The following KRT73 variants were observed in gnomAD, a reference collection of about 807,000 sequenced individuals.
The protein encoded by KRT73 is keratin 73.
A neutral mutation model predicts 47.2 loss-of-function variants in KRT73; 44 were observed. The ratio of observed to expected loss-of-function variants is 0.93; its 90% CI spans 0.73 to 1.20. The LOEUF (loss-of-function observed/expected upper bound fraction) is 1.20. KRT73 is among the 50% of genes most tolerant of loss of function. The probability of loss-of-function intolerance (pLI) is 0.00; values close to 1 mark genes in which losing one functional copy is unlikely to be tolerated. For synonymous variants in KRT73, 285 were observed against 291.3 expected (o/e 0.98, Z 0.22); for missense variants, 713 against 704.5 (o/e 1.01, Z -0.14).
chr12:52,615,376 C>T (rs748835944), intron 2 of KRT73, 37 bp from the exon 3 acceptor site: 7 of 1,547,444 alleles, frequency 4.5e-6, no homozygotes, highest in Non-Finnish European at 5.4e-6. Flanking sequence ...GAGTGTGTGT[C>T]TGTGTGTGTG....
At chr12:52,615,988 G>T (rs1317744600) in intron 2 of KRT73, among the ~76,000 whole-genome samples, 178 bp downstream of exon 2, 2 of 152,182 alleles carry the variant, frequency 1.3e-5, no homozygotes, top group Non-Finnish European at 2.9e-5. Context: ...GGACAGCCCT[G>T]ACGCTGCCCA....
chr12:52,613,960 AAG>A, intron 4 of KRT73, 108 bp from the exon 5 acceptor site: 2 of 1,477,634 alleles, frequency 1.4e-6, no homozygotes, highest in South Asian at 2.7e-5. Context: ...ACACAGATGG[AAG>A]CTGCACTTCC....
chr12:52,610,432 CA>C (rs1940670921), intron 7 of KRT73, 182 bp downstream of exon 7: 1 of 660,624 alleles, frequency 1.5e-6, no homozygotes, highest in Non-Finnish European at 2.6e-6. Flanking sequence ...TCCAAAGAGT[CA>C]AAAGAGAACT....
chr12:52,613,801 T>A lies in KRT73; in HGVS notation c.871A>T (p.Met291Leu). The change falls in exon 5 of 9, where the codon ATG becomes TTG. Residue 291 changes from methionine (M) to leucine (L), a missense_variant. Coordinates refer to ENST00000305748, the MANE Select transcript of KRT73 (RefSeq NM_175068.3). ...AGGTCCAGGTTCCGGTTGTTGTCCA[T>A]GGACAGGATGATGGACGTGTCGCTG... ...HISDTSIILS[M>L]DNNRNLDLDS... is the part of the protein sequence containing the mutation. The A allele has an allele frequency of 6.2e-7, 1 of 1,614,154 alleles. No individual in the cohort carries two copies. The highest frequency in any genetic ancestry group is 8.5e-7 in the Non-Finnish European group (1 of 1,180,008).
chr12:52,613,619 G>A lies in KRT73; in HGVS notation c.984+69C>T, dbSNP rs370583277. The A allele has an allele frequency of 1.4e-5, 22 of 1,589,758 alleles. No homozygotes were observed. The African/African-American group carries it at 1.6e-4, about 12-fold the overall frequency. ...CTATGGGCCACCACAGTGAGTCATG[G>A]GGCAGACAAGACAGAGTCTGGAGCA... On this transcript the variant is annotated intron_variant, in intron 5 of 8. Coordinates refer to ENST00000305748, the MANE Select transcript of KRT73 (RefSeq NM_175068.3).
rs956494844 is a variant in KRT73 at position 52,608,411 on chromosome 12, C to T, written c.1408G>A (p.Ala470Thr). The T allele has an allele frequency of 2.5e-6, 4 of 1,611,966 alleles. No homozygotes were observed. The highest frequency in any genetic ancestry group is 3.4e-6 in the Non-Finnish European group (4 of 1,179,928). ...CCAGCATTGCTGAATCCAAAGCCAG[C>T]CCCTGTGCCTGCCATCCCGGCCATG... ...SSMAGMAGTG[A>T]GFGFSNAGTY... The change falls in exon 9 of 9, where the codon GCT becomes ACT. Residue 470 changes from alanine (A) to threonine (T), a missense_variant. Ala to Thr is a moderately conservative substitution (Grantham distance 58). Coordinates refer to ENST00000305748, the MANE Select transcript of KRT73 (RefSeq NM_175068.3).
At chr12:52,630,163 G>C in the KRT73 span, among the ~76,000 whole-genome samples, 1 of 152,210 alleles carries the variant, frequency 6.6e-6, no homozygotes, top group Non-Finnish European at 1.5e-5. Flanking sequence ...CTGGTCAAAG[G>C]CCCTGACTGG....
upstream of KRT73, among the ~76,000 whole-genome samples, chr12:52,620,367 G>A (rs1377119514): frequency 6.6e-6 from 1 of 152,132 alleles, no homozygotes; most frequent in African/African-American, 2.4e-5. Flanking sequence ...GTCTCTCGAA[G>A]TGCTGGGATT....
rs373543841 is a variant in KRT73, at chr12:52,616,177, GTCC to G, written c.648_650del (p.Glu216del). ...GGCGTCCTGCTCACCTCTTCTTGTAGTCCTCCACCACTTCGCGCACGCTCCTCA... is the reference window on the plus strand; with the variant it reads ...GGCGTCCTGCTCACCTCTTCTTGTAGTCCACCACTTCGCGCACGCTCCTCA... On this transcript the variant is annotated inframe_deletion, in exon 2 of 9. Transcript: ENST00000305748. 2.7e-5 allele frequency: 43 copies of G among 1,614,044 alleles called. No individual in the cohort carries two copies. Among genetic ancestry groups the G allele is most frequent in the South Asian group, 2.0e-4 (18 of 91,050 alleles).
intron 7 of KRT73, 145 bp downstream of exon 7, chr12:52,610,470 T>A: frequency 1.3e-6 from 1 of 764,072 alleles, no homozygotes; most frequent in Non-Finnish European, 2.2e-6. Context: ...TCACATTATC[T>A]GGCAGGATGC....
upstream of KRT73, among the ~76,000 whole-genome samples, chr12:52,620,609 C>T (rs1446012298): frequency 6.6e-6 from 1 of 152,118 alleles, no homozygotes; most frequent in African/African-American, 2.4e-5. Context: ...GAGATAACCC[C>T]CAATGGCATT....
intron 5 of KRT73, chr12:52,612,439 G>T (rs528736625): frequency 6.6e-6 from 1 of 152,330 alleles, no homozygotes; most frequent in South Asian, 2.1e-4. Context: ...CTCTGTCACT[G>T]GGTGCTCCAC....
At chr12:52,627,527 G>A in the KRT73 span, among the ~76,000 whole-genome samples, 11 of 152,174 alleles carry the variant, frequency 7.2e-5, no homozygotes, top group Non-Finnish European at 5.9e-5. Flanking sequence ...GACTCCAAGT[G>A]CAGTGCTGGA....
intron 5 of KRT73, 149 bp from the exon 6 acceptor site, chr12:52,611,478 A>C: frequency 2.4e-6 from 2 of 845,070 alleles, no homozygotes; most frequent in Non-Finnish European, 3.6e-6. Context: ...CTCCCATTAA[A>C]GCATTGGGCC....
chr12:52,620,363 C>T (rs12425258), upstream of KRT73, among the ~76,000 whole-genome samples: 8 of 152,192 alleles, frequency 5.3e-5, no homozygotes, highest in African/African-American at 1.7e-4. Context: ...CTCAGTCTCT[C>T]GAAGTGCTGG....
rs564327610 is a variant in KRT73 at position 52,610,179 on chromosome 12, G to A, written c.1331+436C>T. 3.5e-4 allele frequency: 68 copies of A among 196,364 alleles called. 1 individual carries two copies. In the South Asian group the frequency reaches 6.1e-3, roughly 18 times the overall value. 12.2% of individuals were successfully genotyped at this position (196,364 alleles called of 1,614,324 possible). A position where few individuals can be genotyped will look rare whatever the true frequency, so the allele number is the denominator to read the frequency against. On this transcript the variant is annotated intron_variant, in intron 7 of 8. Transcript: ENST00000305748. ...CAACCTCAGCCTCCTGGGTTCAAGCGATTCTCCTGACTCAGCCTCCCAAGT... is the reference window on the plus strand; with the variant it reads ...CAACCTCAGCCTCCTGGGTTCAAGCAATTCTCCTGACTCAGCCTCCCAAGT...
chr12:52,616,423 AT>A, intron 1 of KRT73, 43 bp from the exon 2 acceptor site: 5 of 1,607,344 alleles, frequency 3.1e-6, no homozygotes, highest in Non-Finnish European at 3.4e-6. Context: ...TGGAGAGGGG[AT>A]GTGAGAATTC....
At chr12:52,619,281 G>A (rs1016407578), upstream of KRT73, among the ~76,000 whole-genome samples, 2 of 152,240 alleles carry the variant, frequency 1.3e-5, no homozygotes, top group Admixed American at 1.3e-4. Flanking sequence ...TGACACTGGT[G>A]CAGCACTTTA....
At chr12:52,620,417 C>CCTTTGTAAGTTT (rs1592247530), upstream of KRT73, among the ~76,000 whole-genome samples, 1 of 152,254 alleles carries the variant, frequency 6.6e-6, no homozygotes, top group East Asian at 1.9e-4. Context: ...AGTTTCTATT[C>CCTTTGTAAGTTT]CTTTGTAAGT....
Sources: gnomAD v4.1 joint callset for allele counts (sites outside exome capture counted in the v4.1 genomes callset) on GRCh38, gnomAD v4.1.1 for gene constraint, MANE v1.5 for transcripts, NCBI Gene and HGNC (gene_info 2026-07-23, HGNC 2026-07-21) for gene names.